The following WWOX variants were observed in gnomAD, a reference collection of about 807,000 sequenced individuals.
WWOX encodes the protein WW domain containing oxidoreductase, also known as WW domain-containing oxidoreductase.
Under a neutral mutation model 46.2 loss-of-function variants are expected in WWOX, and 69 were observed. The ratio of observed to expected loss-of-function variants is 1.49; its 90% confidence interval spans 1.23 to 1.82. WWOX has a LOEUF of 1.82. WWOX is among the 40% of genes most tolerant of loss of function. The pLI, the probability that WWOX is intolerant of heterozygous loss-of-function variation, is 0.00. For synonymous variants in WWOX, 359 were observed against 202.6 expected (o/e 1.77, Z -6.56); for missense variants, 919 against 542.6 (o/e 1.69, Z -6.89).
intron 8 of WWOX, among the ~76,000 whole-genome samples, chr16:78,606,082 T>C (rs539300955): frequency 6.6e-6 from 1 of 152,342 alleles, no homozygotes; most frequent in East Asian, 1.9e-4. Context: ...AAAGACACTG[T>C]TCAGTTTACG....
chr16:78,876,661 C>T (rs1400745081), intron 8 of WWOX, among the ~76,000 whole-genome samples: 2 of 152,088 alleles, frequency 1.3e-5, no homozygotes, highest in African/African-American at 4.8e-5. Flanking sequence ...GAAGTTCTGG[C>T]TATTAAAGAT....
At chr16:78,807,910 C>G (rs765014641) in intron 8 of WWOX, among the ~76,000 whole-genome samples, 11 of 152,226 alleles carry the variant, frequency 7.2e-5, no homozygotes, top group African/African-American at 2.7e-4. Flanking sequence ...GTACCTAACA[C>G]ATTGGACAGC....
intron 8 of WWOX, among the ~76,000 whole-genome samples, chr16:78,871,099 C>G (rs1215011771): frequency 1.3e-5 from 2 of 151,434 alleles, no homozygotes; most frequent in Non-Finnish European, 2.9e-5. Flanking sequence ...TCAGTAAATA[C>G]TTGTTGAATA....
intron 8 of WWOX, among the ~76,000 whole-genome samples, chr16:78,600,224 A>G (rs965671268): frequency 1.3e-5 from 2 of 152,086 alleles, no homozygotes; most frequent in African/African-American, 4.8e-5. Flanking sequence ...CCCACAACAC[A>G]TGGGAATTGT....
At chr16:78,785,072 G>GAA (rs1263811283) in intron 8 of WWOX, among the ~76,000 whole-genome samples, 1 of 152,172 alleles carries the variant, frequency 6.6e-6, no homozygotes, top group African/African-American at 2.4e-5. Context: ...GACTTGGGCA[G>GAA]TCTCCAGGGA....
chr16:79,001,206 C>T (rs1277173938), intron 8 of WWOX, among the ~76,000 whole-genome samples: 2 of 152,152 alleles, frequency 1.3e-5, no homozygotes, highest in South Asian at 2.1e-4. Flanking sequence ...GATGCAGTCT[C>T]GAGGAACGGA....
At chr16:78,548,506 G>C (rs886503122) in intron 8 of WWOX, among the ~76,000 whole-genome samples, 1 of 152,106 alleles carries the variant, frequency 6.6e-6, no homozygotes, top group African/African-American at 2.4e-5. Context: ...TTTTAAAATT[G>C]TTTTGCAAAC....
chr16:78,205,463 C>G (rs904060483), intron 5 of WWOX, among the ~76,000 whole-genome samples: 2 of 151,982 alleles, frequency 1.3e-5, no homozygotes, highest in Non-Finnish European at 2.9e-5. Flanking sequence ...GCCCATCTGC[C>G]CACCTACCCA....
intron 8 of WWOX, chr16:78,551,780 C>G (rs2044179753): frequency 6.6e-6 from 1 of 152,144 alleles, no homozygotes; most frequent in Non-Finnish European, 1.5e-5. Flanking sequence ...TTGTCCTCTG[C>G]CGAGACTCCA....
intron 8 of WWOX, among the ~76,000 whole-genome samples, chr16:78,681,684 G>C (rs2047733147): frequency 6.6e-6 from 1 of 152,194 alleles, no homozygotes; most frequent in Non-Finnish European, 1.5e-5. Context: ...GTGTTAACCT[G>C]ATTATCCCCA....
chr16:78,668,622 T>A (rs1357006111), intron 8 of WWOX, among the ~76,000 whole-genome samples: 2 of 151,880 alleles, frequency 1.3e-5, no homozygotes, highest in Non-Finnish European at 2.9e-5. Context: ...GGGGAACAGG[T>A]GAAGGAGTGA....
At chr16:78,338,627 A>C (rs1341830728) in intron 5 of WWOX, among the ~76,000 whole-genome samples, 1 of 121,072 alleles carries the variant, frequency 8.3e-6, no homozygotes, top group Non-Finnish European at 2.0e-5. Flanking sequence ...AGATAGGAAA[A>C]TACCATAATC....
At chr16:78,465,626 C>A in intron 8 of WWOX, among the ~76,000 whole-genome samples, 1 of 152,340 alleles carries the variant, frequency 6.6e-6, no homozygotes, top group African/African-American at 2.4e-5. Flanking sequence ...GGAATGTGTT[C>A]ATATTTTCCA....
chr16:78,315,087 TTC>T (rs1376815596), intron 5 of WWOX, among the ~76,000 whole-genome samples: 1 of 152,190 alleles, frequency 6.6e-6, no homozygotes, highest in Non-Finnish European at 1.5e-5. Flanking sequence ...ATCTATCGAT[TTC>T]TCTTTTTTGG....
intron 4 of WWOX, among the ~76,000 whole-genome samples, chr16:78,119,383 A>G (rs1218554476): frequency 2.0e-5 from 3 of 152,180 alleles, no homozygotes; most frequent in Non-Finnish European, 1.5e-5. Flanking sequence ...TTGGCTATGC[A>G]TATAAATACT....
At chr16:78,695,532 A>G (rs2142278211) in intron 8 of WWOX, among the ~76,000 whole-genome samples, 1 of 152,274 alleles carries the variant, frequency 6.6e-6, no homozygotes, top group African/African-American at 2.4e-5. Flanking sequence ...TAGCATGCAG[A>G]TCCCACCTGT....
chr16:78,651,443 T>G (rs2046964200), intron 8 of WWOX, among the ~76,000 whole-genome samples: 1 of 152,070 alleles, frequency 6.6e-6, no homozygotes, highest in South Asian at 2.1e-4. Flanking sequence ...CCCCTGGAGG[T>G]CAGAAGCCAT....
intron 8 of WWOX, among the ~76,000 whole-genome samples, chr16:78,708,586 C>G (rs1348653639): frequency 1.3e-5 from 2 of 152,136 alleles, no homozygotes; most frequent in African/African-American, 4.8e-5. Flanking sequence ...TTACCCCTTT[C>G]CAGATTAAAA....
intron 8 of WWOX, among the ~76,000 whole-genome samples, chr16:78,655,216 T>G (rs1365012129): frequency 6.6e-6 from 1 of 152,136 alleles, no homozygotes; most frequent in Non-Finnish European, 1.5e-5. Context: ...CCCTTCATAG[T>G]CTGCTCTCCG....
Sources: gnomAD v4.1 joint callset for allele counts (sites outside exome capture counted in the v4.1 genomes callset) on GRCh38, gnomAD v4.1.1 for gene constraint, MANE v1.5 for transcripts, NCBI Gene and HGNC (gene_info 2026-07-23, HGNC 2026-07-21) for gene names.